TMPRSS11A: variants seen among roughly 807,000 people sequenced by gnomAD.
TMPRSS11A encodes the protein transmembrane protease serine 11A.
Under a neutral mutation model 58.9 loss-of-function variants are expected in TMPRSS11A, and 53 were observed. The ratio of observed to expected loss-of-function variants is 0.90; its 90% CI spans 0.72 to 1.13. The LOEUF is 1.13. Among genes scored for constraint, TMPRSS11A ranks in the 50% most tolerant of loss-of-function variants. TMPRSS11A has a pLI of 0.00. For synonymous variants in TMPRSS11A, 167 were observed against 169.8 expected (o/e 0.98, Z 0.13); for missense variants, 493 against 499.3 (o/e 0.99, Z 0.12).
chr4:67,920,940 T>C (rs1156311793), intron 7 of TMPRSS11A, among the ~76,000 whole-genome samples: 1 of 152,176 alleles, frequency 6.6e-6, no homozygotes, highest in African/African-American at 2.4e-5. Flanking sequence ...GAGGTCATTA[T>C]CCTTAGCAAA....
At chr4:67,927,557 G>A (rs1720506841) in intron 5 of TMPRSS11A, among the ~76,000 whole-genome samples, 1 of 152,232 alleles carries the variant, frequency 6.6e-6, no homozygotes, top group Non-Finnish European at 1.5e-5. Flanking sequence ...TGGCCTTGGT[G>A]GGCATGGGAT....
intron 8 of TMPRSS11A, among the ~76,000 whole-genome samples, chr4:67,917,762 C>T (rs1428657437): frequency 6.6e-6 from 1 of 152,044 alleles, no homozygotes; most frequent in Non-Finnish European, 1.5e-5. Flanking sequence ...TTTTTCCCAC[C>T]AAGCCAAAGG....
chr4:67,911,644 T>A, intron 9 of TMPRSS11A, 141 bp from the exon 10 acceptor site: 1 of 522,832 alleles, frequency 1.9e-6, no homozygotes, highest in Non-Finnish European at 3.2e-6. Flanking sequence ...AATTGAGACA[T>A]GGATTTTAAT....
intron 1 of TMPRSS11A, among the ~76,000 whole-genome samples, chr4:67,960,827 A>T (rs1296571811): frequency 6.6e-6 from 1 of 152,192 alleles, no homozygotes; most frequent in Non-Finnish European, 1.5e-5. Context: ...AAAGGTGATG[A>T]GGAAGAGGAG....
chr4:67,927,784 AG>A (rs1456442885), intron 5 of TMPRSS11A, among the ~76,000 whole-genome samples: 4 of 152,238 alleles, frequency 2.6e-5, no homozygotes, highest in African/African-American at 9.6e-5. Flanking sequence ...TTCTGCTACT[AG>A]TCAATCACTC....
At position 67,910,150 on chromosome 4, in the gene TMPRSS11A, A is replaced by G. The variant is rs1226469446; in HGVS notation, c.*1192T>C. On this transcript the variant is annotated 3_prime_UTR_variant, in exon 10 of 10. Coordinates refer to ENST00000508048, the MANE Select transcript of TMPRSS11A (RefSeq NM_001114387.2). The stretch of plus-strand genomic sequence containing the variant: ...TGAGCCTTACTCTCCTAATGACTTC[A>G]GGAGACACGTTGCTGATGGAGTATG... 6.6e-6 allele frequency: 1 copy of G among 152,022 alleles called. No individual in the cohort carries two copies. Among genetic ancestry groups the G allele is most frequent in the Non-Finnish European group, 1.5e-5 (1 of 67,932 alleles). The allele number at this position is 152,022 out of a possible 1,614,324, so 9.4% of individuals were successfully genotyped here.
rs141965265 is a variant in TMPRSS11A, at chr4:67,944,924, T to G, written c.134-287A>C. ...CACCTTCATTTTACAGATAAGGAAATTAAGGCACAGAGGCATTAAGTAAAT... is the reference window on the plus strand; with the variant it reads ...CACCTTCATTTTACAGATAAGGAAAGTAAGGCACAGAGGCATTAAGTAAAT... On this transcript the variant is annotated intron_variant, in intron 2 of 9. Transcript: ENST00000508048. Among the ~76,000 whole-genome samples, 207 of 152,274 alleles carry G rather than the reference T, an allele frequency of 1.4e-3. 2 individuals are homozygous for G. Among genetic ancestry groups the G allele is most frequent in the South Asian group, 0.013 (61 of 4,824 alleles).
At chr4:67,937,802 C>T (rs1308760582) in intron 3 of TMPRSS11A, among the ~76,000 whole-genome samples, 1 of 151,992 alleles carries the variant, frequency 6.6e-6, no homozygotes, top group Non-Finnish European at 1.5e-5. Flanking sequence ...TTGTCCAATC[C>T]ACCATTGATG....
chr4:67,952,358 T>G (rs887203123), intron 1 of TMPRSS11A, among the ~76,000 whole-genome samples: 13 of 152,200 alleles, frequency 8.5e-5, no homozygotes, highest in African/African-American at 3.1e-4. Context: ...ATAGGCTTCC[T>G]TTTAACCCAA....
At chr4:67,920,496 T>A (rs1181817370) in intron 7 of TMPRSS11A, among the ~76,000 whole-genome samples, 2 of 148,000 alleles carry the variant, frequency 1.4e-5, no homozygotes, top group Non-Finnish European at 3.0e-5. Flanking sequence ...TGGTAGGGCA[T>A]CTGGAAGTTG....
At chr4:67,931,550 C>A (rs1461294197) in intron 4 of TMPRSS11A, among the ~76,000 whole-genome samples, 1 of 152,150 alleles carries the variant, frequency 6.6e-6, no homozygotes, top group East Asian at 1.9e-4. Context: ...TGCCTTATGT[C>A]ATTCGGTTAC....
chr4:67,920,401 C>A (rs533518375), intron 7 of TMPRSS11A, among the ~76,000 whole-genome samples: 1 of 151,746 alleles, frequency 6.6e-6, no homozygotes, highest in East Asian at 1.9e-4. Flanking sequence ...AGTCACACAT[C>A]TGTCTTGGTG....
rs780668204 is a variant in TMPRSS11A, at chr4:67,910,604, A to G, written c.*738T>C. 5 of 152,122 alleles carry G rather than the reference A, an allele frequency of 3.3e-5. No homozygotes were observed. The highest frequency in any genetic ancestry group is 7.4e-5 in the Non-Finnish European group (5 of 67,956). 9.4% of individuals were successfully genotyped at this position (152,122 alleles called of 1,614,324 possible). A position where few individuals can be genotyped will look rare whatever the true frequency, so the allele number is the denominator to read the frequency against. On this transcript the variant is annotated 3_prime_UTR_variant, in exon 10 of 10. Coordinates refer to ENST00000508048, the MANE Select transcript of TMPRSS11A (RefSeq NM_001114387.2). ...ACCTTCTCCCAAATTTTTAACAAAT[A>G]TATAGTTTTGATTAACTAATCACTC...
chr4:67,945,722 T>TTATTTGTTTTATCACATAC (rs1355350968), intron 2 of TMPRSS11A, among the ~76,000 whole-genome samples: 8 of 152,178 alleles, frequency 5.3e-5, no homozygotes, highest in Admixed American at 3.9e-4. Flanking sequence ...GCAGCCTGAG[T>TTATTTGTTTTATCACATAC]TATTTGTTTT....
intron 8 of TMPRSS11A, among the ~76,000 whole-genome samples, chr4:67,915,345 C>A (rs1442754179): frequency 6.6e-6 from 1 of 152,058 alleles, no homozygotes; most frequent in Non-Finnish European, 1.5e-5. Flanking sequence ...AAGAATAGCA[C>A]AAGCATTCAG....
chr4:67,926,440 T>G (rs1250628799), intron 5 of TMPRSS11A, among the ~76,000 whole-genome samples: 1 of 152,236 alleles, frequency 6.6e-6, no homozygotes, highest in Non-Finnish European at 1.5e-5. Context: ...CTTTCTTAAG[T>G]GCTAGTGATG....
chr4:67,945,140 A>C (rs1192895321), intron 2 of TMPRSS11A, among the ~76,000 whole-genome samples: 2 of 152,150 alleles, frequency 1.3e-5, no homozygotes, highest in Non-Finnish European at 2.9e-5. Context: ...CACTAAGAAA[A>C]ACCTGAAAAG....
chr4:67,961,651 C>CAGT (rs1355975204), intron 1 of TMPRSS11A, among the ~76,000 whole-genome samples: 2 of 151,762 alleles, frequency 1.3e-5, no homozygotes, highest in African/African-American at 4.8e-5. Context: ...GCTGGGCCTA[C>CAGT]AGGTGCATGC....
At chr4:67,941,705 A>T (rs529344677) in intron 3 of TMPRSS11A, among the ~76,000 whole-genome samples, 20 of 152,338 alleles carry the variant, frequency 1.3e-4, no homozygotes, top group Admixed American at 9.8e-4. Context: ...TAAAAAACTG[A>T]ATCTACCTAA....
Sources: gnomAD v4.1 joint callset for allele counts (sites outside exome capture counted in the v4.1 genomes callset) on GRCh38, gnomAD v4.1.1 for gene constraint, MANE v1.5 for transcripts, NCBI Gene and HGNC (gene_info 2026-07-23, HGNC 2026-07-21) for gene names.